PNN: variants seen among roughly 807,000 people sequenced by gnomAD.
PNN encodes the protein pinin, desmosome associated protein.
In PNN, 38 loss-of-function variants were observed where a neutral mutation model predicts 76.6. That is an observed-to-expected ratio of 0.50 (90% CI 0.38 to 0.65). The LOEUF (loss-of-function observed/expected upper bound fraction) is 0.65, where lower values mean the gene tolerates loss of function less well. Among genes scored for constraint, PNN ranks in the 30% least tolerant of loss-of-function variants. The probability of loss-of-function intolerance (pLI) is 0.00; values close to 1 mark genes in which losing one functional copy is unlikely to be tolerated. For synonymous variants in PNN, 366 were observed against 283.7 expected, an observed-to-expected ratio of 1.29 and a Z score of -2.91; for missense variants, 873 against 874.1, an observed-to-expected ratio of 1.00 and a Z score of 0.02.
chr14:39,177,561 A>G (rs763487185), intron 4 of PNN, 32 bp from the exon 5 acceptor site: 1 of 1,599,100 alleles, frequency 6.3e-7, no homozygotes, highest in Admixed American at 1.7e-5. Flanking sequence ...CTCATATGCT[A>G]GTTAAATTAC....
At chr14:39,176,435 A>G in intron 2 of PNN, 92 bp from the exon 3 acceptor site, 1 of 995,780 alleles carries the variant, frequency 1.0e-6, no homozygotes, top group Non-Finnish European at 1.5e-6. Flanking sequence ...AGTTGGAAAG[A>G]TTTTTGAAAG....
chr14:39,176,768 C>T (rs11622021), intron 3 of PNN, among the ~76,000 whole-genome samples, 173 bp downstream of exon 3: 20,159 of 152,124 alleles, frequency 0.13, 1,387 homozygotes, highest in Middle Eastern at 0.17. Flanking sequence ...TATCAGTTCC[C>T]TCAAAACGCA....
chr14:39,180,901 C>T lies in PNN; in HGVS notation c.1192C>T (p.His398Tyr), dbSNP rs367980282. Residue 398 changes from histidine (H) to tyrosine (Y), a missense_variant, in exon 9 of 9, where the codon CAT becomes TAT. By Grantham distance (83) the His-to-Tyr change is moderately conservative. Around this residue, in one of 3 missense-constraint regions of PNN, gnomAD observed 712 missense variants for 693.1 expected, o/e 1.03. Transcript: ENST00000216832. Reference sequence around the variant, plus strand: ...GCTAGAGATGGTTGAGAATGTCAAACATGTAATTGCTGACCAGGAGGTAAT... The same window carrying T: ...GCTAGAGATGGTTGAGAATGTCAAATATGTAATTGCTGACCAGGAGGTAAT... ...DVLEMVENVK[H>Y]VIADQEVMET... 7 of 1,613,924 alleles carry T rather than the reference C, an allele frequency of 4.3e-6. No individual in the cohort carries two copies. In the African/African-American group the frequency reaches 5.3e-5, roughly 12 times the overall value.
At position 39,181,134 on chromosome 14, in the gene PNN, ACCTCAG is replaced by A. The variant is rs1566559306; in HGVS notation, c.1432_1437del (p.Pro478_Gln479del). 2 of 1,604,696 alleles carry A rather than the reference ACCTCAG, an allele frequency of 1.2e-6. No individual in the cohort carries two copies. Among genetic ancestry groups the A allele is most frequent in the South Asian group, 2.2e-5 (2 of 90,898 alleles). On this transcript the variant is annotated inframe_deletion, in exon 9 of 9. Transcript: ENST00000216832. ...AGCCCCAACCTGAGCCTGTGGCTCA[ACCTCAG>A]CCTCAGTCTCAGCCCCAGCTTCAGC...
intron 3 of PNN, 59 bp from the exon 4 acceptor site, chr14:39,177,353 T>G: frequency 7.0e-7 from 1 of 1,430,106 alleles, no homozygotes; most frequent in Non-Finnish European, 9.7e-7. Flanking sequence ...ACCACTGCAC[T>G]TCAGCCTGGG....
At position 39,179,243 on chromosome 14, in the gene PNN, G is replaced by C. The variant is rs750555097; in HGVS notation, c.651G>C (p.Gln217His). 4 of 1,611,844 alleles carry C rather than the reference G, an allele frequency of 2.5e-6. No individual in the cohort carries two copies. In the South Asian group the frequency reaches 4.4e-5, roughly 18 times the overall value. ...TGGAACAGAAAGTTGAGCTTGCGCA[G>C]CTGGTGAGTGGTAATTTGGAATTCT... is the stretch of plus-strand genomic sequence containing the variant. ...RLLEQKVELA[Q>H]LQEEWNEHNA... The change falls in exon 7 of 9, where the codon CAG (glutamine) becomes CAC (histidine). Residue 217 changes from glutamine to histidine, a missense_variant. Physicochemically the swap from Gln to His is conservative, Grantham distance 24 (BLOSUM62 0). This residue lies in a region of PNN where 712 missense variants were observed against 693.1 expected (regional missense o/e 1.03). Transcript: ENST00000216832.
chr14:39,178,723 T>TGG (rs1164006557), intron 6 of PNN, among the ~76,000 whole-genome samples: 100 of 99,202 alleles, frequency 1.0e-3, no homozygotes, highest in African/African-American at 4.3e-3. Context: ...CTTTACATAG[T>TGG]GAAAAAAAAA....
rs776354933 is a variant in PNN, at chr14:39,181,249, C to T, written c.1540C>T (p.Pro514Ser). Residue 514 changes from proline to serine, a missense_variant, in exon 9 of 9, where the codon CCC (proline) becomes TCC (serine). Coordinates refer to ENST00000216832, the MANE Select transcript of PNN (RefSeq NM_002687.4). ...GTCATTAGCTGTTTTACAGCCAACA[C>T]CCCAAGTTACTCAGGAGCAAGGGCA... ...DLSLAVLQPTPQVTQEQGHLL... is the reference protein window; with the variant it reads ...DLSLAVLQPTSQVTQEQGHLL... The T allele has an allele frequency of 5.6e-6, 9 of 1,614,132 alleles. No individual in the cohort carries two copies. The highest frequency in any genetic ancestry group is 7.6e-6 in the Non-Finnish European group (9 of 1,180,000).
Position 39,177,993 on chromosome 14 carries a change from C to T in PNN, c.498+77C>T, listed in dbSNP as rs532239634. The T allele has an allele frequency of 7.1e-6, 7 of 983,158 alleles. No homozygotes were observed. In the East Asian group the frequency reaches 1.4e-4, roughly 20 times the overall value. The allele number at this position is 983,158 out of a possible 1,614,324, so 60.9% of individuals were successfully genotyped here. A position where few individuals can be genotyped will look rare whatever the true frequency, so the allele number is the denominator to read the frequency against. ...AGATTAATGTTTTTTTTAAAAAATCCTTAAAGCTCTTTTAAGACCTAACTG... is the reference window on the plus strand; with the variant it reads ...AGATTAATGTTTTTTTTAAAAAATCTTTAAAGCTCTTTTAAGACCTAACTG... On this transcript the variant is annotated intron_variant, in intron 6 of 8. Coordinates refer to ENST00000216832, the MANE Select transcript of PNN (RefSeq NM_002687.4).
rs1332283875 is a variant in PNN, at chr14:39,176,160, C to T, written c.185+11C>T. 8 of 1,505,116 alleles carry T rather than the reference C, an allele frequency of 5.3e-6. No homozygotes were observed. Among genetic ancestry groups the T allele is most frequent in the Admixed American group, 3.4e-5 (2 of 59,664 alleles). 93.2% of individuals were successfully genotyped at this position (1,505,116 alleles called of 1,614,324 possible). A position where few individuals can be genotyped will look rare whatever the true frequency, so the allele number is the denominator to read the frequency against. ...TAGTTTATTACTGAGGTAAGATTTC[C>T]TTTGGACTTTACTCATGCTGAAACT... On this transcript the variant is annotated intron_variant, in intron 2 of 8. Transcript: ENST00000216832.
rs749334362 is a variant in PNN at position 39,175,284 on chromosome 14, C to A, written c.5C>A (p.Ala2Glu). Residue 2 changes from alanine (A) to glutamate (E), a missense_variant, in exon 1 of 9, where the codon GCG becomes GAG. This residue lies in a region of PNN where 156 missense variants were observed against 161.7 expected (regional missense o/e 0.96). Coordinates refer to ENST00000216832, the MANE Select transcript of PNN (RefSeq NM_002687.4). M[A>E]VAVRTLQEQL... ...CAAGCCTGCCGCAGGGAGAAGATGG[C>A]GGTCGCCGTGAGAACTTTGCAGGAA... 4.4e-6 allele frequency: 7 copies of A among 1,590,740 alleles called. No homozygotes were observed. The highest frequency in any genetic ancestry group is 6.0e-6 in the Non-Finnish European group (7 of 1,163,034).
intron 3 of PNN, among the ~76,000 whole-genome samples, chr14:39,177,050 G>C (rs1159614555): frequency 6.6e-6 from 1 of 152,218 alleles, no homozygotes; most frequent in Non-Finnish European, 1.5e-5. Flanking sequence ...GAGGGCATTT[G>C]CCCTTGGTGT....
chr14:39,180,206 G>C (rs2053259340), intron 8 of PNN, among the ~76,000 whole-genome samples: 1 of 152,094 alleles, frequency 6.6e-6, no homozygotes, highest in Non-Finnish European at 1.5e-5. Context: ...GCCAAAACTG[G>C]TTCTGTTTTA....
In PNN at chr14:39,177,896, T is replaced by G; in HGVS notation, c.478T>G (p.Ser160Ala). 1 of 1,608,380 alleles carries G rather than the reference T, an allele frequency of 6.2e-7. No homozygotes were observed. The highest frequency in any genetic ancestry group is 2.2e-5 in the East Asian group (1 of 44,840). The change falls in exon 6 of 9, where the codon TCC (serine) becomes GCC (alanine). Residue 160 changes from serine (S) to alanine (A), a missense_variant. Physicochemically the swap from Ser to Ala is moderately conservative, Grantham distance 99 (BLOSUM62 1). This residue lies in a region of PNN where 712 missense variants were observed against 693.1 expected (regional missense o/e 1.03). Transcript: ENST00000216832. ...MGTLQKFKQE[S>A]TVATERQKRR... ...TACCCTTCAAAAATTTAAACAAGAA[T>G]CCACTGTTGCTACTGAAAGGGTATT...
rs769674836 is a variant in PNN at position 39,181,271 on chromosome 14, G to T, written c.1562G>T (p.Gly521Val). ...QPTPQVTQEQGHLLPERKDFP... is the reference protein window; with the variant it reads ...QPTPQVTQEQVHLLPERKDFP... ...ACACCCCAAGTTACTCAGGAGCAAGGGCATTTACTACCTGAGAGGAAGGAT... is the reference window on the plus strand; with the variant it reads ...ACACCCCAAGTTACTCAGGAGCAAGTGCATTTACTACCTGAGAGGAAGGAT... The change falls in exon 9 of 9, where the codon GGG becomes GTG. Residue 521 changes from glycine (G) to valine (V), a missense_variant. Physicochemically the swap from Gly to Val is moderately radical, Grantham distance 109. Coordinates refer to ENST00000216832, the MANE Select transcript of PNN (RefSeq NM_002687.4). The T allele has an allele frequency of 4.3e-6, 7 of 1,614,056 alleles. No homozygotes were observed. The East Asian group carries it at 1.6e-4, about 36-fold the overall frequency.
chr14:39,181,117 C>A lies in PNN; in HGVS notation c.1408C>A (p.Pro470Thr). The change falls in exon 9 of 9, where the codon CCT (proline) becomes ACT (threonine). Residue 470 changes from proline to threonine, a missense_variant. Pro to Thr is a conservative substitution (Grantham distance 38, BLOSUM62 -1). Transcript: ENST00000216832. ...AGAAGAAAAAGAATCTGAGCCCCAA[C>A]CTGAGCCTGTGGCTCAACCTCAGCC... ...EKEEKESEPQ[P>T]EPVAQPQPQS... is the part of the protein sequence containing the mutation. 1 of 1,612,516 alleles carries A rather than the reference C, an allele frequency of 6.2e-7. No homozygotes were observed. Among genetic ancestry groups the A allele is most frequent in the Middle Eastern group, 1.7e-4 (1 of 6,060 alleles).
chr14:39,177,319 G>C, intron 3 of PNN, 93 bp from the exon 4 acceptor site: 1 of 967,352 alleles, frequency 1.0e-6, no homozygotes, highest in South Asian at 1.5e-5. Context: ...CTGGGAGGTC[G>C]AGGCTGCAGT....
chr14:39,179,494 C>A, intron 8 of PNN, 32 bp downstream of exon 8: 2 of 1,577,736 alleles, frequency 1.3e-6, no homozygotes, highest in South Asian at 2.3e-5. Context: ...TTGAATTGTT[C>A]ATAGTGGGTA....
Position 39,181,406 on chromosome 14 carries a change from C to G in PNN, c.1697C>G (p.Ala566Gly). The G allele has an allele frequency of 6.2e-7, 1 of 1,614,154 alleles. No homozygotes were observed. Residue 566 changes from alanine (A) to glycine (G), a missense_variant, in exon 9 of 9, where the codon GCT becomes GGT. Ala to Gly is a moderately conservative substitution (Grantham distance 60). This residue lies in a region of PNN where 712 missense variants were observed against 693.1 expected (regional missense o/e 1.03). Transcript: ENST00000216832. ...TKTRSRSRGR[A>G]RNKTSKSRSR... is the part of the protein sequence containing the mutation. The stretch of plus-strand genomic sequence containing the variant: ...ACTAGGAGCAGAAGTAGAGGTCGAG[C>G]TAGAAATAAAACAAGCAAGAGTAGA...
Sources: gnomAD v4.1 joint callset for allele counts (sites outside exome capture counted in the v4.1 genomes callset) on GRCh38, gnomAD v4.1.1 for gene constraint, gnomAD v4.1.1 regional missense constraint, MANE v1.5 for transcripts, NCBI Gene and HGNC (gene_info 2026-07-23, HGNC 2026-07-21) for gene names.